Variants in B3GALT1 observed in about 807,000 individuals in gnomAD.
B3GALT1 encodes the protein beta-1,3-galactosyltransferase 1.
In B3GALT1, 10 loss-of-function variants were observed where a neutral mutation model predicts 23.2. That is an observed-to-expected ratio of 0.43 (90% CI 0.27 to 0.73). The LOEUF (loss-of-function observed/expected upper bound fraction) is 0.73. Among genes scored for constraint, B3GALT1 ranks in the 30% least tolerant of loss-of-function variants. The pLI is 0.21. For missense variants in B3GALT1, 299 were observed against 405.4 expected (o/e 0.74, Z 2.25); for synonymous variants, 156 against 141.5 (o/e 1.10, Z -0.73).
chr2:167,728,592 A>C (rs1199731732), intron 3 of B3GALT1, among the ~76,000 whole-genome samples: 1 of 152,210 alleles, frequency 6.6e-6, no homozygotes, highest in Non-Finnish European at 1.5e-5. Flanking sequence ...CGACTTTCTG[A>C]TCTGCTTAGT....
chr2:167,330,756 A>G (rs1459257735), intron 1 of B3GALT1, among the ~76,000 whole-genome samples: 1 of 151,878 alleles, frequency 6.6e-6, no homozygotes, highest in African/African-American at 2.4e-5. Context: ...TGATTTCTTT[A>G]TATTGTTTTT....
chr2:167,521,983 T>TATATATATATATATATATATACAC (rs1558891584), intron 2 of B3GALT1, among the ~76,000 whole-genome samples: 3 of 101,860 alleles, frequency 2.9e-5, no homozygotes, highest in Admixed American at 1.1e-4. Flanking sequence ...TGTGTGTGTG[T>TATATATATATATATATATATACAC]GTATATATAT....
At chr2:167,754,096 G>C (rs1036750193) in intron 3 of B3GALT1, among the ~76,000 whole-genome samples, 1 of 152,160 alleles carries the variant, frequency 6.6e-6, no homozygotes, top group Non-Finnish European at 1.5e-5. Context: ...ATGAAAATCA[G>C]ATTTCAGACA....
chr2:167,512,878 G>A (rs1031194831), intron 2 of B3GALT1, among the ~76,000 whole-genome samples: 31 of 148,054 alleles, frequency 2.1e-4, no homozygotes, highest in Non-Finnish European at 3.4e-4. Context: ...TTATGAGCTC[G>A]TGTGATCTGC....
intron 3 of B3GALT1, among the ~76,000 whole-genome samples, chr2:167,704,104 C>T (rs1027155694): frequency 6.7e-6 from 1 of 148,768 alleles, no homozygotes; most frequent in African/African-American, 2.5e-5. Flanking sequence ...TGGCGTGAAC[C>T]CGGGAGGCGG....
intron 3 of B3GALT1, among the ~76,000 whole-genome samples, chr2:167,681,548 T>C (rs2105493112): frequency 6.6e-6 from 1 of 152,302 alleles, no homozygotes; most frequent in South Asian, 2.1e-4. Context: ...TTCGTTTGGA[T>C]TTTCCAGTGT....
chr2:167,563,302 G>A (rs529229629), intron 2 of B3GALT1, among the ~76,000 whole-genome samples: 9 of 128,190 alleles, frequency 7.0e-5, no homozygotes, highest in South Asian at 2.5e-4. Flanking sequence ...CAGTAGGGGC[G>A]GCCGGGCAGA....
At chr2:167,812,311 T>TA (rs1211495238) in intron 3 of B3GALT1, among the ~76,000 whole-genome samples, 3 of 152,238 alleles carry the variant, frequency 2.0e-5, no homozygotes, top group Non-Finnish European at 4.4e-5. Flanking sequence ...TGTTTGTACA[T>TA]ACGCCCTGGA....
chr2:167,377,269 T>C (rs1451140398), intron 1 of B3GALT1, among the ~76,000 whole-genome samples: 1 of 151,990 alleles, frequency 6.6e-6, no homozygotes, highest in Non-Finnish European at 1.5e-5. Context: ...TGGTAGATCT[T>C]GGAGTATGTT....
intron 2 of B3GALT1, among the ~76,000 whole-genome samples, chr2:167,532,943 C>T (rs1054357505): frequency 6.1e-5 from 9 of 147,974 alleles, no homozygotes; most frequent in African/African-American, 2.3e-4. Context: ...CTCACTGCAA[C>T]CTCCACCTCG....
chr2:167,458,081 T>C (rs984431557), intron 1 of B3GALT1, among the ~76,000 whole-genome samples: 5 of 152,236 alleles, frequency 3.3e-5, no homozygotes, highest in African/African-American at 1.2e-4. Flanking sequence ...TCTTTCATCC[T>C]GTAAACTAAA....
intron 2 of B3GALT1, among the ~76,000 whole-genome samples, chr2:167,526,262 T>C (rs147109728): frequency 2.0e-4 from 31 of 152,270 alleles, no homozygotes; most frequent in African/African-American, 7.5e-4. Context: ...AAGGTAAACA[T>C]GAATTCCTGT....
At chr2:167,521,963 CAT>C (rs1296098705) in intron 2 of B3GALT1, among the ~76,000 whole-genome samples, 5 of 110,848 alleles carry the variant, frequency 4.5e-5, no homozygotes, top group Non-Finnish European at 9.4e-5. Flanking sequence ...ACATTACCAA[CAT>C]ATATGTGTGT....
intron 3 of B3GALT1, among the ~76,000 whole-genome samples, chr2:167,729,894 C>G (rs768474705): frequency 6.6e-5 from 10 of 152,120 alleles, no homozygotes; most frequent in Non-Finnish European, 1.3e-4. Context: ...GGTGGCCAAG[C>G]CCACCACAGG....
chr2:167,749,977 A>G (rs1171368433), intron 3 of B3GALT1, among the ~76,000 whole-genome samples: 1 of 151,014 alleles, frequency 6.6e-6, no homozygotes, highest in African/African-American at 2.5e-5. Context: ...TAATCAGTGC[A>G]AAGAAAAAAA....
intron 2 of B3GALT1, among the ~76,000 whole-genome samples, chr2:167,635,760 C>A (rs1178641225): frequency 6.6e-6 from 1 of 152,050 alleles, no homozygotes; most frequent in Non-Finnish European, 1.5e-5. Flanking sequence ...GTGAAAACGG[C>A]CATACTGACC....
intron 3 of B3GALT1, among the ~76,000 whole-genome samples, chr2:167,750,507 A>G (rs535170772): frequency 2.0e-5 from 3 of 152,274 alleles, no homozygotes; most frequent in Admixed American, 1.3e-4. Context: ...TTTCACATAC[A>G]TTAATGTCTT....
intron 1 of B3GALT1, among the ~76,000 whole-genome samples, chr2:167,379,507 G>T (rs73019802): frequency 6.6e-6 from 1 of 152,042 alleles, no homozygotes; most frequent in Admixed American, 6.6e-5. Flanking sequence ...TTCTACAGCC[G>T]TGTGCACTTC....
intron 2 of B3GALT1, among the ~76,000 whole-genome samples, chr2:167,543,261 A>T (rs1442259403): frequency 1.3e-5 from 2 of 152,116 alleles, no homozygotes; most frequent in African/African-American, 4.8e-5. Context: ...AGTCAATTTA[A>T]TATTTGTTTA....
Sources: gnomAD v4.1 joint callset for allele counts (sites outside exome capture counted in the v4.1 genomes callset) on GRCh38, gnomAD v4.1.1 for gene constraint, MANE v1.5 for transcripts, NCBI Gene and HGNC (gene_info 2026-07-23, HGNC 2026-07-21) for gene names.